PLXDC2: variants seen among roughly 807,000 people sequenced by gnomAD.
PLXDC2 encodes the protein plexin domain-containing protein 2.
In PLXDC2, 40 loss-of-function variants were observed where a neutral mutation model predicts 68.9. The observed-to-expected ratio is 0.58, with a 90% CI of 0.45 to 0.76. The LOEUF (loss-of-function observed/expected upper bound fraction) is 0.76. Among genes scored for constraint, PLXDC2 ranks in the 30% least tolerant of loss-of-function variants. The pLI, the probability that PLXDC2 is intolerant of heterozygous loss-of-function variation, is 0.00. For missense variants in PLXDC2, 644 were observed against 661.9 expected (o/e 0.97, Z 0.30); for synonymous variants, 243 against 234.2 (o/e 1.04, Z -0.34).
chr10:19,889,469 G>A (rs568522272), intron 1 of PLXDC2, among the ~76,000 whole-genome samples: 1 of 152,188 alleles, frequency 6.6e-6, no homozygotes, highest in South Asian at 2.1e-4. Flanking sequence ...ATTAAATAGT[G>A]TCCTAGTGCC....
At chr10:20,116,061 ATGTGGATTC>A (rs1833616841) in intron 4 of PLXDC2, among the ~76,000 whole-genome samples, 1 of 152,212 alleles carries the variant, frequency 6.6e-6, no homozygotes, top group African/African-American at 2.4e-5. Flanking sequence ...TGTGTTTGAG[ATGTGGATTC>A]ACGCTGCTCC....
At chr10:19,920,219 CG>C (rs1366368471) in intron 1 of PLXDC2, among the ~76,000 whole-genome samples, 8 of 152,132 alleles carry the variant, frequency 5.3e-5, no homozygotes, top group Admixed American at 5.2e-4. Context: ...TGATACATAA[CG>C]GGTGGTGGGG....
intron 12 of PLXDC2, among the ~76,000 whole-genome samples, chr10:20,229,517 C>CAAAAAAAA (rs58386547): frequency 4.7e-5 from 5 of 105,662 alleles, no homozygotes; most frequent in Admixed American, 1.1e-4. Flanking sequence ...CCACTTTAAG[C>CAAAAAAAA]AAAAAAAAAA....
chr10:19,816,669 C>G lies in PLXDC2; in HGVS notation c.-411C>G, dbSNP rs1332050946. Reference sequence around the variant, plus strand: ...AGTGGATCTGGGGCAGGCAGCGGCGCTGGCTGTGGAATTAGATCTGTTTTG... The same window carrying G: ...AGTGGATCTGGGGCAGGCAGCGGCGGTGGCTGTGGAATTAGATCTGTTTTG... On this transcript the variant is annotated 5_prime_UTR_variant, in exon 1 of 14. Transcript: ENST00000377252. 1 of 244,158 alleles carries G rather than the reference C, an allele frequency of 4.1e-6. No individual in the cohort carries two copies. The highest frequency in any genetic ancestry group is 8.0e-6 in the Non-Finnish European group (1 of 124,432). The allele number at this position is 244,158 out of a possible 1,614,324, so 15.1% of individuals were successfully genotyped here.
chr10:19,964,914 T>G (rs573430235), intron 1 of PLXDC2, among the ~76,000 whole-genome samples: 4 of 152,290 alleles, frequency 2.6e-5, no homozygotes, highest in Non-Finnish European at 5.9e-5. Flanking sequence ...TTAAATTTTC[T>G]CTTTGCTTAA....
chr10:20,120,725 G>A (rs1164126968), intron 4 of PLXDC2, among the ~76,000 whole-genome samples: 1 of 152,174 alleles, frequency 6.6e-6, no homozygotes, highest in Non-Finnish European at 1.5e-5. Context: ...CATGTGTAGG[G>A]AAGGGAGGGG....
At chr10:19,891,383 T>C (rs74122104) in intron 1 of PLXDC2, among the ~76,000 whole-genome samples, 1 of 147,398 alleles carries the variant, frequency 6.8e-6, no homozygotes, top group African/African-American at 2.4e-5. Flanking sequence ...GCCTGCACTT[T>C]CCTTTGCCTC....
intron 1 of PLXDC2, among the ~76,000 whole-genome samples, chr10:19,945,429 C>T (rs907791649): frequency 6.6e-6 from 1 of 152,170 alleles, no homozygotes; most frequent in Non-Finnish European, 1.5e-5. Context: ...GTCCTGCAAA[C>T]CTTCAATTTG....
chr10:20,216,390 G>C (rs1345440518), intron 10 of PLXDC2, among the ~76,000 whole-genome samples: 1 of 151,992 alleles, frequency 6.6e-6, no homozygotes, highest in African/African-American at 2.4e-5. Flanking sequence ...TAGATTAATG[G>C]GGCTCAGAGG....
chr10:20,035,029 A>G (rs1835556283), intron 2 of PLXDC2, among the ~76,000 whole-genome samples: 1 of 152,198 alleles, frequency 6.6e-6, no homozygotes. Context: ...GTGATGTCTA[A>G]TAGCATTTTA....
At chr10:19,892,723 T>A (rs1589522992) in intron 1 of PLXDC2, among the ~76,000 whole-genome samples, 1 of 152,204 alleles carries the variant, frequency 6.6e-6, no homozygotes, top group South Asian at 2.1e-4. Context: ...TGCTTTCTCC[T>A]GCAAACCATT....
At chr10:20,140,034 C>G (rs957103639) in intron 4 of PLXDC2, among the ~76,000 whole-genome samples, 20 of 152,076 alleles carry the variant, frequency 1.3e-4, no homozygotes, top group African/African-American at 4.6e-4. Context: ...GGCGTGGTGG[C>G]ACACGCCTGT....
chr10:20,259,059 T>A (rs2119362921), intron 13 of PLXDC2, among the ~76,000 whole-genome samples: 1 of 151,286 alleles, frequency 6.6e-6, no homozygotes, highest in African/African-American at 2.4e-5. Context: ...TCAATCTTAA[T>A]CAGGATGAGC....
At chr10:20,162,736 T>C (rs1834321652) in intron 6 of PLXDC2, among the ~76,000 whole-genome samples, 5 of 152,002 alleles carry the variant, frequency 3.3e-5, no homozygotes, top group Admixed American at 3.3e-4. Context: ...GGATTTCACA[T>C]ATTGATACTG....
chr10:20,073,719 G>T (rs964022822), intron 4 of PLXDC2, among the ~76,000 whole-genome samples: 2 of 152,072 alleles, frequency 1.3e-5, no homozygotes, highest in Non-Finnish European at 2.9e-5. Context: ...CTAGTTCTCT[G>T]TGAATTTCAT....
chr10:20,162,127 G>A (rs1012682080), intron 6 of PLXDC2, among the ~76,000 whole-genome samples: 123 of 136,458 alleles, frequency 9.0e-4, no homozygotes, highest in East Asian at 6.4e-4. Flanking sequence ...AAGGAAGGAA[G>A]GAAAGAAAGA....
chr10:20,107,839 A>G (rs966939575), intron 4 of PLXDC2, among the ~76,000 whole-genome samples: 1 of 152,204 alleles, frequency 6.6e-6, no homozygotes, highest in Non-Finnish European at 1.5e-5. Flanking sequence ...GTATATATTT[A>G]TCTGAAACAA....
chr10:20,216,710 C>A (rs1835142800), intron 10 of PLXDC2, among the ~76,000 whole-genome samples: 1 of 152,156 alleles, frequency 6.6e-6, no homozygotes, highest in Non-Finnish European at 1.5e-5. Flanking sequence ...AACTTCTAAG[C>A]TATAAAAGTT....
At chr10:20,256,104 A>T (rs1417262396) in intron 13 of PLXDC2, among the ~76,000 whole-genome samples, 1 of 152,004 alleles carries the variant, frequency 6.6e-6, no homozygotes, top group Non-Finnish European at 1.5e-5. Context: ...CCATTTTTCT[A>T]TTCAACTTTT....
Sources: gnomAD v4.1 joint callset for allele counts (sites outside exome capture counted in the v4.1 genomes callset) on GRCh38, gnomAD v4.1.1 for gene constraint, MANE v1.5 for transcripts, NCBI Gene and HGNC (gene_info 2026-07-23, HGNC 2026-07-21) for gene names.